The following DSCAM variants were observed in gnomAD, a reference collection of about 807,000 sequenced individuals.
The protein encoded by DSCAM is DS cell adhesion molecule, also known as cell adhesion molecule DSCAM.
A neutral mutation model predicts 217.7 loss-of-function variants in DSCAM; 47 were observed. That is an observed-to-expected ratio of 0.22 (90% confidence interval 0.17 to 0.28). DSCAM has a LOEUF of 0.28. Among genes scored for constraint, DSCAM ranks in the 10% least tolerant of loss-of-function variants. The probability of loss-of-function intolerance (pLI) is 1.00; values close to 1 mark genes in which losing one functional copy is unlikely to be tolerated. For missense variants in DSCAM, 2,080 were observed against 2,618.3 expected (o/e 0.79, Z 4.49); for synonymous variants, 1,056 against 1,015.3 (o/e 1.04, Z -0.76).
intron 1 of DSCAM, among the ~76,000 whole-genome samples, chr21:40,726,527 A>T (rs960791124): frequency 6.7e-6 from 1 of 148,692 alleles, no homozygotes; most frequent in Admixed American, 6.7e-5. Flanking sequence ...GGGTCTGAAC[A>T]TAGAAGAGTC....
intron 1 of DSCAM, among the ~76,000 whole-genome samples, chr21:40,823,315 T>TAAAAAA (rs2091944577): frequency 6.6e-6 from 1 of 151,594 alleles, no homozygotes; most frequent in Admixed American, 6.6e-5. Flanking sequence ...ATTAAGCTGC[T>TAAAAAA]CAACGAAAAA....
intron 8 of DSCAM, among the ~76,000 whole-genome samples, chr21:40,317,921 A>T (rs1216310200): frequency 1.3e-5 from 2 of 152,134 alleles, no homozygotes; most frequent in Non-Finnish European, 2.9e-5. Flanking sequence ...CACTTTAGAC[A>T]ATCCTGAAGT....
chr21:40,565,421 A>G (rs908392663), intron 3 of DSCAM, among the ~76,000 whole-genome samples: 1 of 152,228 alleles, frequency 6.6e-6, no homozygotes, highest in Non-Finnish European at 1.5e-5. Context: ...GACTGATGCT[A>G]ATCTCAACCA....
At chr21:40,449,743 T>C (rs1004291564) in intron 3 of DSCAM, among the ~76,000 whole-genome samples, 1 of 152,218 alleles carries the variant, frequency 6.6e-6, no homozygotes, top group Non-Finnish European at 1.5e-5. Context: ...CATCTATATA[T>C]CTTTTTTACT....
chr21:40,090,944 T>C (rs886824104), intron 21 of DSCAM, among the ~76,000 whole-genome samples: 3 of 152,154 alleles, frequency 2.0e-5, no homozygotes, highest in South Asian at 2.1e-4. Context: ...CCTCCACTTA[T>C]GCTAACTCAT....
At chr21:40,602,775 C>G (rs11911216) in intron 3 of DSCAM, among the ~76,000 whole-genome samples, 2,516 of 151,970 alleles carry the variant, frequency 0.017, 61 homozygotes, top group African/African-American at 0.058. Context: ...TTTAAAGAAC[C>G]AGATTTTAGT....
At position 40,044,162 on chromosome 21, in the gene DSCAM, C is replaced by A; in HGVS notation, c.5299G>T (p.Asp1767Tyr). Residue 1767 changes from aspartate to tyrosine, a missense_variant, in exon 31 of 33, where the codon GAC becomes TAC. Coordinates refer to ENST00000400454, the MANE Select transcript of DSCAM (RefSeq NM_001389.5). Reference sequence around the variant, plus strand: ...GCCCTGGGTGTTGGCAGCCTCCAGTCTGTGGTGAGGGTGTGTGCTGAGATG... The same window carrying A: ...GCCCTGGGTGTTGGCAGCCTCCAGTATGTGGTGAGGGTGTGTGCTGAGATG... ...PTISAHTLTT[D>Y]WRLPTPRAAG... 1 of 1,614,186 alleles carries A rather than the reference C, an allele frequency of 6.2e-7. No homozygotes were observed. The highest frequency in any genetic ancestry group is 8.5e-7 in the Non-Finnish European group (1 of 1,180,028).
At chr21:40,788,474 A>G (rs570861571) in intron 1 of DSCAM, among the ~76,000 whole-genome samples, 46 of 152,228 alleles carry the variant, frequency 3.0e-4, no homozygotes, top group Non-Finnish European at 5.1e-4. Context: ...CAATGGGAAC[A>G]TAAGCATGGC....
At chr21:40,475,948 G>T (rs1005227946) in intron 3 of DSCAM, among the ~76,000 whole-genome samples, 2 of 152,018 alleles carry the variant, frequency 1.3e-5, no homozygotes, top group Non-Finnish European at 2.9e-5. Context: ...GATTTTGTAG[G>T]ACATTCGAAC....
intron 10 of DSCAM, among the ~76,000 whole-genome samples, chr21:40,282,144 T>C (rs1458190415): frequency 6.6e-6 from 1 of 152,222 alleles, no homozygotes; most frequent in Non-Finnish European, 1.5e-5. Context: ...AACTTTTATT[T>C]AAGTGCTTAA....
chr21:40,349,609 C>T (rs1357299341), intron 5 of DSCAM, among the ~76,000 whole-genome samples: 6 of 152,300 alleles, frequency 3.9e-5, no homozygotes, highest in Non-Finnish European at 1.5e-5. Flanking sequence ...CAGTCTTCTC[C>T]TAATCCTGTA....
At chr21:40,565,124 T>A (rs1328907639) in intron 3 of DSCAM, among the ~76,000 whole-genome samples, 1 of 152,188 alleles carries the variant, frequency 6.6e-6, no homozygotes, top group Non-Finnish European at 1.5e-5. Flanking sequence ...TGCCTTCCAG[T>A]AGCCGAGGTA....
intron 3 of DSCAM, among the ~76,000 whole-genome samples, chr21:40,465,345 T>C (rs2075835965): frequency 6.6e-6 from 1 of 152,140 alleles, no homozygotes; most frequent in African/African-American, 2.4e-5. Context: ...CTCTTTCTCT[T>C]CTTTCAGGTC....
intron 16 of DSCAM, among the ~76,000 whole-genome samples, chr21:40,146,833 G>A (rs1174469838): frequency 6.6e-6 from 1 of 152,114 alleles, no homozygotes; most frequent in East Asian, 1.9e-4. Flanking sequence ...GATGAGCTAT[G>A]GCTTTTCTCA....
chr21:40,601,109 A>G (rs2077058391), intron 3 of DSCAM, among the ~76,000 whole-genome samples: 1 of 152,208 alleles, frequency 6.6e-6, no homozygotes, highest in African/African-American at 2.4e-5. Context: ...CTATAAATCA[A>G]GTTGAGAAAA....
intron 20 of DSCAM, among the ~76,000 whole-genome samples, chr21:40,109,177 T>C (rs1189240752): frequency 2.6e-5 from 4 of 152,228 alleles, no homozygotes; most frequent in Non-Finnish European, 1.5e-5. Context: ...AAAGAGCTTC[T>C]GTGCAGCAAA....
chr21:40,700,724 T>G (rs147937045), intron 2 of DSCAM, among the ~76,000 whole-genome samples: 38 of 149,808 alleles, frequency 2.5e-4, no homozygotes, highest in Admixed American at 7.3e-4. Flanking sequence ...ATTTTTATTC[T>G]TTCTTTCTTT....
intron 3 of DSCAM, among the ~76,000 whole-genome samples, chr21:40,572,166 A>G (rs562232318): frequency 1.3e-5 from 2 of 152,130 alleles, no homozygotes; most frequent in African/African-American, 4.8e-5. Flanking sequence ...GCAATGTGTT[A>G]TAAGTTTTAT....
chr21:40,185,850 G>A (rs149800339), intron 14 of DSCAM, among the ~76,000 whole-genome samples: 76 of 152,246 alleles, frequency 5.0e-4, no homozygotes, highest in African/African-American at 1.8e-3. Flanking sequence ...CCAGGTCACT[G>A]TGCCTCACCC....
Sources: allele counts gnomAD v4.1 joint callset (sites outside exome capture counted in the v4.1 genomes callset), GRCh38; gene constraint gnomAD v4.1.1; transcripts MANE v1.5; gene names NCBI Gene and HGNC (gene_info 2026-07-23, HGNC 2026-07-21).